Variants in PDGFA observed in about 807,000 individuals in gnomAD.
PDGFA encodes platelet derived growth factor subunit A.
A neutral mutation model predicts 25.6 loss-of-function variants in PDGFA; 9 were observed. That is an observed-to-expected ratio of 0.35 (90% CI 0.21 to 0.61). PDGFA has a LOEUF of 0.61. PDGFA is among the 20% of genes least tolerant of loss of function. The pLI is 0.75. For missense variants in PDGFA, 242 were observed against 272.8 expected (o/e 0.89, Z 0.79); for synonymous variants, 133 against 111.8 (o/e 1.19, Z -1.20).
Position 500,822 on chromosome 7 carries a change from C to A in PDGFA, c.580+294G>T. The A allele has an allele frequency of 5.4e-6, 8 of 1,482,010 alleles. No homozygotes were observed. Among genetic ancestry groups the A allele is most frequent in the Non-Finnish European group, 7.2e-6 (8 of 1,115,072 alleles). 91.8% of individuals were successfully genotyped at this position (1,482,010 alleles called of 1,614,324 possible). ...GCAGATTCTTCTCAGCTCAGCCCCG[C>A]AGCCCACTAATGAATTGGGTGTCTT... On this transcript the variant is annotated intron_variant, in intron 5 of 5. Transcript: ENST00000402802. The surrounding 1 kb of genome is among the most constrained non-coding windows in gnomAD (Gnocchi z 5.0).
chr7:518,643 C>T (rs961678448), intron 1 of PDGFA: 8 of 360,898 alleles, frequency 2.2e-5, no homozygotes, highest in Non-Finnish European at 4.0e-5. Context: ...CTGCAGCGCC[C>T]GCTGCGCCCC....
At chr7:518,997 C>T (rs1783240888) in exon 1 of PDGFA, 1 of 1,534,630 alleles carries the variant, frequency 6.5e-7, no homozygotes, top group Non-Finnish European at 8.8e-7. Context: ...AGCCAAGGTC[C>T]TCATCGCGTC....
chr7:519,092 AT>A lies in PDGFA; in HGVS notation c.-92del, dbSNP rs1783245529. The A allele has an allele frequency of 2.0e-6, 2 of 980,556 alleles. No homozygotes were observed. Among genetic ancestry groups the A allele is most frequent in the East Asian group, 5.9e-5 (2 of 33,626 alleles). 60.7% of individuals were successfully genotyped at this position (980,556 alleles called of 1,614,324 possible). The stretch of plus-strand genomic sequence containing the variant: ...TCCTGTGGCGGCGAAATTCAGTACC[AT>A]CCCTTAGGGAGCGCGGCCCGGAGGA... On this transcript the variant is annotated 5_prime_UTR_variant, in exon 1 of 6. It removes an upstream start codon present in the reference 5' UTR. Transcript: ENST00000402802.
At chr7:501,319 CAGGCTGAGAGGG>C in intron 4 of PDGFA, 77 bp from the exon 5 acceptor site, 2 of 1,586,108 alleles carry the variant, frequency 1.3e-6, no homozygotes, top group Non-Finnish European at 1.7e-6. Flanking sequence ...GAGCCGGGGA[CAGGCTGAGAGGG>C]AGGAGAGAGC....
intron 2 of PDGFA, chr7:513,370 G>C (rs1782951855): frequency 6.6e-6 from 1 of 152,110 alleles, no homozygotes; most frequent in Non-Finnish European, 1.5e-5. Flanking sequence ...GGAGTCTCAG[G>C]TCTCTCCAAA....
At chr7:510,892 C>T (rs747468284) in exon 4 of PDGFA, 17 of 1,612,210 alleles carry the variant, frequency 1.1e-5, no homozygotes, top group African/African-American at 4.0e-5. Flanking sequence ...TTCACCTCCA[C>T]GCACGGGGGC....
chr7:503,273 G>A (rs963051444), intron 4 of PDGFA, among the ~76,000 whole-genome samples: 2 of 152,168 alleles, frequency 1.3e-5, no homozygotes, highest in African/African-American at 2.4e-5. Flanking sequence ...CCCAGCAGGC[G>A]CTCCATCTGT....
intron 4 of PDGFA, among the ~76,000 whole-genome samples, chr7:507,029 G>C (rs544078556): frequency 6.6e-6 from 1 of 152,230 alleles, no homozygotes; most frequent in South Asian, 2.1e-4. Flanking sequence ...CACAGGCACA[G>C]AGTCTGAGGC....
exon 1 of PDGFA, chr7:519,213 G>C (rs1389180392): frequency 2.3e-6 from 1 of 426,496 alleles, no homozygotes; most frequent in Non-Finnish European, 4.2e-6. Flanking sequence ...AGGAGAAACA[G>C]GGAGTGCGCG....
At chr7:511,293 GGGGA>G in intron 3 of PDGFA, among the ~76,000 whole-genome samples, 1 of 86,652 alleles carries the variant, frequency 1.2e-5, no homozygotes, top group Non-Finnish European at 2.1e-5. Context: ...GGCTGGGGGT[GGGGA>G]GAGGGGAACT....
At chr7:508,145 C>T (rs962576171) in intron 4 of PDGFA, among the ~76,000 whole-genome samples, 6 of 152,268 alleles carry the variant, frequency 3.9e-5, no homozygotes, top group African/African-American at 1.4e-4. Context: ...AAAGTCCTTC[C>T]CGGAGAACCT....
intron 4 of PDGFA, among the ~76,000 whole-genome samples, chr7:505,428 C>T (rs1452877415): frequency 6.6e-6 from 1 of 152,230 alleles, no homozygotes; most frequent in Admixed American, 6.5e-5. Flanking sequence ...TGCCGTCACC[C>T]CTCTAGACCT....
chr7:509,851 G>A lies in PDGFA; in HGVS notation c.453+958C>T, dbSNP rs538531459. ...AATTCTGCTAAAGCAGCCTGAAGAA[G>A]GCAGGCACCACCCCCAACTTAAAGA... is the stretch of plus-strand genomic sequence containing the variant. On this transcript the variant is annotated intron_variant, in intron 4 of 5. Transcript: ENST00000402802. 1.1e-4 allele frequency among the ~76,000 whole-genome samples: 17 copies of A among 152,298 alleles called. No individual in the cohort carries two copies. In the South Asian group the frequency reaches 3.1e-3, roughly 28 times the overall value.
intron 4 of PDGFA, among the ~76,000 whole-genome samples, chr7:506,310 C>T (rs917050274): frequency 3.3e-5 from 5 of 152,120 alleles, no homozygotes; most frequent in African/African-American, 1.2e-4. Flanking sequence ...GATCCTGCCT[C>T]CTTCAGCACT....
At chr7:498,309 T>C (rs1782184509) in exon 6 of PDGFA, 1 of 519,384 alleles carries the variant, frequency 1.9e-6, no homozygotes, top group South Asian at 3.1e-5. Flanking sequence ...GTGGTTTTGT[T>C]TTCTCTCTCT....
intron 2 of PDGFA, among the ~76,000 whole-genome samples, chr7:516,747 A>T (rs1203358377): frequency 6.6e-6 from 1 of 152,130 alleles, no homozygotes. Flanking sequence ...GCTTGCAAAC[A>T]AGCTGTGTTC....
Position 512,334 on chromosome 7 carries a change from C to T in PDGFA, c.265+17G>A, listed in dbSNP as rs202240732. On this transcript the variant is annotated intron_variant, in intron 3 of 5. Coordinates refer to ENST00000402802, the Ensembl canonical transcript of PDGFA. ...TGACCCGGCCCTGCCCTGCCCATCG[C>T]GGCCTCCTGGACTCACCGATGCTTC... 5.1e-5 allele frequency: 82 copies of T among 1,602,498 alleles called. No homozygotes were observed. The highest frequency in any genetic ancestry group is 1.0e-4 in the Admixed American group (6 of 59,588).
At chr7:520,630 G>C (rs1349824303), upstream of PDGFA, 1 of 152,284 alleles carries the variant, frequency 6.6e-6, no homozygotes, top group Admixed American at 6.5e-5. Flanking sequence ...CCACCGGTGA[G>C]GGTCCCCCGG....
intron 2 of PDGFA, among the ~76,000 whole-genome samples, chr7:515,757 G>A (rs957110329): frequency 8.3e-6 from 1 of 121,046 alleles, no homozygotes; most frequent in African/African-American, 2.9e-5. Context: ...TAGCTTAGGG[G>A]CATCCTTGTT....
Sources: gnomAD v4.1 joint callset for allele counts (sites outside exome capture counted in the v4.1 genomes callset) on GRCh38, gnomAD v4.1.1 for gene constraint, Gnocchi (gnomAD v3.1) non-coding constraint, MANE v1.5 for transcripts, NCBI Gene and HGNC (gene_info 2026-07-23, HGNC 2026-07-21) for gene names.